Variants in CNTN5 observed in about 807,000 individuals in gnomAD.
CNTN5 encodes contactin-5.
In CNTN5, 77 loss-of-function variants were observed where a neutral mutation model predicts 129.1. The ratio of observed to expected loss-of-function variants is 0.60; its 90% CI spans 0.50 to 0.72. The LOEUF is 0.72. Among genes scored for constraint, CNTN5 ranks in the 30% least tolerant of loss-of-function variants. The pLI, the probability that CNTN5 is intolerant of heterozygous loss-of-function variation, is 0.00. For synonymous variants in CNTN5, 509 were observed against 465.6 expected (o/e 1.09, Z -1.20); for missense variants, 1,478 against 1,328.8 (o/e 1.11, Z -1.75).
rs1208418020 is a variant in CNTN5, at chr11:99,296,637, A to G, written c.-209-28709A>G. 7.9e-5 allele frequency among the ~76,000 whole-genome samples: 12 copies of G among 152,274 alleles called. No homozygotes were observed. The East Asian group carries it at 1.4e-3, about 17-fold the overall frequency. ...TCTTCCCAGGAATATGGAACCAAACATTGGTTTTAGGGTGGAGCCCTTGGA... is the reference window on the plus strand; with the variant it reads ...TCTTCCCAGGAATATGGAACCAAACGTTGGTTTTAGGGTGGAGCCCTTGGA... On this transcript the variant is annotated intron_variant, in intron 1 of 24. Transcript: ENST00000524871.
chr11:99,373,393 C>CT (rs1489945172), intron 2 of CNTN5, among the ~76,000 whole-genome samples: 1 of 151,996 alleles, frequency 6.6e-6, no homozygotes, highest in Non-Finnish European at 1.5e-5. Context: ...TATGCTCCAT[C>CT]TTTCATGTTT....
intron 1 of CNTN5, among the ~76,000 whole-genome samples, chr11:99,289,213 G>T (rs1273107305): frequency 6.6e-6 from 1 of 151,720 alleles, no homozygotes; most frequent in Admixed American, 6.6e-5. Flanking sequence ...TCCTTCCTCT[G>T]CAACTGTACC....
intron 1 of CNTN5, among the ~76,000 whole-genome samples, chr11:99,251,488 T>C (rs1862101307): frequency 6.6e-6 from 1 of 151,874 alleles, no homozygotes; most frequent in Non-Finnish European, 1.5e-5. Flanking sequence ...TTTTTTTTAA[T>C]GTGTAACCCA....
intron 2 of CNTN5, among the ~76,000 whole-genome samples, chr11:99,325,700 T>G: frequency 6.6e-6 from 1 of 152,212 alleles, no homozygotes; most frequent in East Asian, 1.9e-4. Flanking sequence ...CTGCAAATAT[T>G]ATTAAAAGTG....
chr11:99,946,278 A>G (rs1320417623), intron 7 of CNTN5, among the ~76,000 whole-genome samples: 1 of 152,132 alleles, frequency 6.6e-6, no homozygotes, highest in Admixed American at 6.6e-5. Context: ...TATTTAAGCT[A>G]TAATAGTTTC....
chr11:100,292,626 A>G (rs975412640), intron 18 of CNTN5, among the ~76,000 whole-genome samples: 2 of 151,954 alleles, frequency 1.3e-5, no homozygotes, highest in Admixed American at 6.6e-5. Flanking sequence ...TTGATGAAGA[A>G]ATAATATCCC....
chr11:99,803,812 G>A (rs1307023984), intron 3 of CNTN5, among the ~76,000 whole-genome samples: 2 of 152,146 alleles, frequency 1.3e-5, no homozygotes, highest in Non-Finnish European at 2.9e-5. Context: ...TCCCGTTACA[G>A]TGCTCTCTTC....
intron 13 of CNTN5, among the ~76,000 whole-genome samples, chr11:100,078,509 T>C (rs1017331265): frequency 6.6e-6 from 1 of 152,146 alleles, no homozygotes; most frequent in Non-Finnish European, 1.5e-5. Flanking sequence ...TTACTAATAA[T>C]GATGATGACT....
chr11:99,934,435 G>A (rs1287673968), intron 7 of CNTN5, among the ~76,000 whole-genome samples: 1 of 152,096 alleles, frequency 6.6e-6, no homozygotes, highest in Non-Finnish European at 1.5e-5. Flanking sequence ...TATATTGGAG[G>A]TCCACGTGCA....
intron 1 of CNTN5, among the ~76,000 whole-genome samples, chr11:99,073,898 G>A (rs1429243239): frequency 6.7e-6 from 1 of 150,206 alleles, no homozygotes; most frequent in Non-Finnish European, 1.5e-5. Context: ...CTCAGTAATG[G>A]GATTGCTGGG....
chr11:99,707,040 T>G (rs1485008217), intron 3 of CNTN5, among the ~76,000 whole-genome samples: 1 of 151,424 alleles, frequency 6.6e-6, no homozygotes, highest in Non-Finnish European at 1.5e-5. Flanking sequence ...TTCACGTTAA[T>G]AGCCATGTGG....
chr11:99,747,845 G>A (rs1247303709), intron 3 of CNTN5, among the ~76,000 whole-genome samples: 3 of 152,052 alleles, frequency 2.0e-5, no homozygotes, highest in Admixed American at 6.6e-5. Context: ...ATTAGATTTG[G>A]GCTGGTCATA....
At chr11:100,081,940 A>G (rs1456108167) in intron 13 of CNTN5, among the ~76,000 whole-genome samples, 1 of 152,204 alleles carries the variant, frequency 6.6e-6, no homozygotes, top group Non-Finnish European at 1.5e-5. Context: ...AGAGACAAAT[A>G]AAACTGAAAA....
chr11:100,355,518 C>T (rs961125984), intron 24 of CNTN5, among the ~76,000 whole-genome samples: 6 of 151,736 alleles, frequency 4.0e-5, no homozygotes, highest in African/African-American at 1.4e-4. Context: ...CATTTGTTAC[C>T]ATTATCAATT....
intron 1 of CNTN5, among the ~76,000 whole-genome samples, chr11:99,074,573 G>T (rs1865483271): frequency 6.6e-6 from 1 of 152,022 alleles, no homozygotes; most frequent in East Asian, 1.9e-4. Flanking sequence ...CAAACTCCTT[G>T]GCTCAAGTAA....
At chr11:100,304,266 AAG>A (rs1951295150) in intron 20 of CNTN5, among the ~76,000 whole-genome samples, 1 of 151,698 alleles carries the variant, frequency 6.6e-6, no homozygotes, top group African/African-American at 2.4e-5. Flanking sequence ...CAGAAAAAAA[AAG>A]AGGTTTCCCT....
chr11:99,123,661 T>C (rs1858470619), intron 1 of CNTN5, among the ~76,000 whole-genome samples: 1 of 151,534 alleles, frequency 6.6e-6, no homozygotes, highest in African/African-American at 2.4e-5. Flanking sequence ...AGGGTTTTTT[T>C]TTTTTTTTAT....
At chr11:99,494,786 T>G (rs760756424) in intron 2 of CNTN5, among the ~76,000 whole-genome samples, 11 of 152,188 alleles carry the variant, frequency 7.2e-5, no homozygotes, top group Middle Eastern at 3.2e-3. Flanking sequence ...TTTCCAGTGC[T>G]GTATAATTAT....
chr11:99,412,288 T>A (rs1000046292), intron 2 of CNTN5, among the ~76,000 whole-genome samples: 22 of 152,204 alleles, frequency 1.4e-4, no homozygotes, highest in African/African-American at 5.3e-4. Context: ...GATAGTTTCT[T>A]ATCCTCAAAA....
Sources: allele counts gnomAD v4.1 joint callset (sites outside exome capture counted in the v4.1 genomes callset), GRCh38; gene constraint gnomAD v4.1.1; transcripts MANE v1.5; gene names NCBI Gene and HGNC (gene_info 2026-07-23, HGNC 2026-07-21).